The following GPR107 variants were observed in gnomAD, a reference collection of about 807,000 sequenced individuals.
GPR107 encodes the protein protein GPR107.
In GPR107, 31 loss-of-function variants were observed where a neutral mutation model predicts 75.5. The observed-to-expected ratio is 0.41, with a 90% CI of 0.31 to 0.55. The LOEUF (loss-of-function observed/expected upper bound fraction) is 0.55. Ranked by LOEUF, GPR107 falls within the 20% of genes least tolerant of loss-of-function variation. The pLI, the probability that GPR107 is intolerant of heterozygous loss-of-function variation, is 0.26. For missense variants in GPR107, 572 were observed against 665.7 expected, an observed-to-expected ratio of 0.86 and a Z score of 1.55; for synonymous variants, 267 against 251.3, an observed-to-expected ratio of 1.06 and a Z score of -0.59.
chr9:130,100,556 G>C lies in GPR107; in HGVS notation c.940-73G>C. 7 of 1,075,454 alleles carry C rather than the reference G, an allele frequency of 6.5e-6. No individual in the cohort carries two copies. The South Asian group carries it at 8.7e-5, about 13-fold the overall frequency. The allele number at this position is 1,075,454 out of a possible 1,614,324, so 66.6% of individuals were successfully genotyped here. A position where few individuals can be genotyped will look rare whatever the true frequency, so the allele number is the denominator to read the frequency against. On this transcript the variant is annotated intron_variant, in intron 10 of 17. Coordinates refer to ENST00000347136, the MANE Select transcript of GPR107 (RefSeq NM_020960.5). ...ATGATTTGGATAATTTCCCAAATGG[G>C]TCCAAGTTAAAAGATTCTTTGTGGA...
intron 14 of GPR107, among the ~76,000 whole-genome samples, chr9:130,108,655 C>T (rs1488196204): frequency 1.3e-5 from 2 of 152,208 alleles, no homozygotes; most frequent in African/African-American, 2.4e-5. Flanking sequence ...GGTCAGTGGT[C>T]AGAGGCCAGC....
At chr9:130,131,489 C>T (rs782462795) in intron 17 of GPR107, among the ~76,000 whole-genome samples, 14 of 152,156 alleles carry the variant, frequency 9.2e-5, no homozygotes, top group Non-Finnish European at 1.8e-4. Context: ...TGCGCTACCA[C>T]ACACCCTTAC....
rs998287650 is a variant in GPR107, at chr9:130,136,568, C to G, written c.*1447C>G. The G allele has an allele frequency of 5.9e-5, 9 of 152,148 alleles. No individual in the cohort carries two copies. The highest frequency in any genetic ancestry group is 2.9e-5 in the Non-Finnish European group (2 of 68,040). 9.4% of individuals were successfully genotyped at this position (152,148 alleles called of 1,614,324 possible). On this transcript the variant is annotated 3_prime_UTR_variant, in exon 18 of 18. Coordinates refer to ENST00000347136, the MANE Select transcript of GPR107 (RefSeq NM_020960.5). Reference sequence around the variant, plus strand: ...AGTCGTGGTCTCTGGGAGTTGTTTTCTCACCTCTGGCTTAGAAGGGTCAGG... The same window carrying G: ...AGTCGTGGTCTCTGGGAGTTGTTTTGTCACCTCTGGCTTAGAAGGGTCAGG...
At chr9:130,059,361 G>A (rs893541835) in intron 1 of GPR107, among the ~76,000 whole-genome samples, 11 of 152,096 alleles carry the variant, frequency 7.2e-5, no homozygotes, top group Non-Finnish European at 1.6e-4. Flanking sequence ...GGTGGCGGGC[G>A]CCTGCAATCC....
At chr9:130,111,539 C>T (rs1192439750) in intron 14 of GPR107, among the ~76,000 whole-genome samples, 1 of 152,048 alleles carries the variant, frequency 6.6e-6, no homozygotes, top group Non-Finnish European at 1.5e-5. Context: ...CTCAAAACAA[C>T]AACAACAACA....
rs115343368 is a variant in GPR107 at position 130,139,132 on chromosome 9, A to T, written c.*4011A>T. On this transcript the variant is annotated 3_prime_UTR_variant, in exon 18 of 18. Coordinates refer to ENST00000347136, the MANE Select transcript of GPR107 (RefSeq NM_020960.5). ...TGGCCTTGTAAGACTCACGTAAGCTAAGTCCAGGATGCCTGTGGCCTGCGG... is the reference window on the plus strand; with the variant it reads ...TGGCCTTGTAAGACTCACGTAAGCTTAGTCCAGGATGCCTGTGGCCTGCGG... 6.6e-6 allele frequency: 1 copy of T among 152,252 alleles called. No individual in the cohort carries two copies. Among genetic ancestry groups the T allele is most frequent in the Admixed American group, 6.5e-5 (1 of 15,272 alleles). 9.4% of individuals were successfully genotyped at this position (152,252 alleles called of 1,614,324 possible).
chr9:130,110,632 T>C (rs1307875462), intron 14 of GPR107, among the ~76,000 whole-genome samples: 1 of 152,252 alleles, frequency 6.6e-6, no homozygotes, highest in Non-Finnish European at 1.5e-5. Context: ...AAAGTGGTTA[T>C]GCTTGCGACA....
chr9:130,064,613 C>G (rs1046677169), intron 1 of GPR107, among the ~76,000 whole-genome samples: 11 of 152,154 alleles, frequency 7.2e-5, no homozygotes, highest in African/African-American at 2.7e-4. Flanking sequence ...GAGGATGGAT[C>G]TGTATGTGTT....
chr9:130,107,489 T>C lies in GPR107; in HGVS notation c.1263-7T>C. 1 of 1,560,622 alleles carries C rather than the reference T, an allele frequency of 6.4e-7. No individual in the cohort carries two copies. ...TAACTTTTTGTTCTCTAAATGTTTATTTTTAGGTCAATCAGACATTTACAA... is the reference window on the plus strand; with the variant it reads ...TAACTTTTTGTTCTCTAAATGTTTACTTTTAGGTCAATCAGACATTTACAA... On this transcript the variant is annotated splice_polypyrimidine_tract_variant and splice_region_variant and intron_variant, in intron 13 of 17. Coordinates refer to ENST00000347136, the MANE Select transcript of GPR107 (RefSeq NM_020960.5).
intron 1 of GPR107, among the ~76,000 whole-genome samples, chr9:130,062,158 T>C (rs1048094522): frequency 5.3e-5 from 8 of 152,170 alleles, no homozygotes; most frequent in African/African-American, 1.9e-4. Context: ...CTCACACCTG[T>C]AATCCCAGCA....
At chr9:130,118,689 G>C (rs932751332) in intron 14 of GPR107, among the ~76,000 whole-genome samples, 2 of 151,892 alleles carry the variant, frequency 1.3e-5, no homozygotes, top group Non-Finnish European at 2.9e-5. Context: ...CCCCTGCAGA[G>C]GTTTCAGCAT....
Position 130,054,153 on chromosome 9 carries a change from G to T in GPR107, c.141+80G>T, listed in dbSNP as rs1308064948. 17 of 1,334,228 alleles carry T rather than the reference G, an allele frequency of 1.3e-5. No homozygotes were observed. In the Admixed American group the frequency reaches 3.0e-4, roughly 24 times the overall value. The allele number at this position is 1,334,228 out of a possible 1,614,324, so 82.6% of individuals were successfully genotyped here. A position where few individuals can be genotyped will look rare whatever the true frequency, so the allele number is the denominator to read the frequency against. On this transcript the variant is annotated intron_variant, in intron 1 of 17. Transcript: ENST00000347136. ...TTTAGGGCAACTTTGGCCCATTGGG[G>T]ACCTCTGAGCCACTGGACCACCTCT... is the stretch of plus-strand genomic sequence containing the variant.
chr9:130,097,671 TA>T (rs1830908814), intron 9 of GPR107, among the ~76,000 whole-genome samples: 1 of 152,014 alleles, frequency 6.6e-6, no homozygotes, highest in Non-Finnish European at 1.5e-5. Flanking sequence ...TTTAGAGACT[TA>T]ACCATTTCCC....
At chr9:130,066,176 G>A (rs373455635) in intron 1 of GPR107, among the ~76,000 whole-genome samples, 1 of 151,764 alleles carries the variant, frequency 6.6e-6, no homozygotes, top group Non-Finnish European at 1.5e-5. Flanking sequence ...GTGTGCACCT[G>A]TAATCCCAGC....
chr9:130,062,435 A>AATGATAATAATAATG (rs1292731405), intron 1 of GPR107, among the ~76,000 whole-genome samples: 1 of 148,080 alleles, frequency 6.8e-6, no homozygotes, highest in Non-Finnish European at 1.5e-5. Flanking sequence ...TAATAATAAT[A>AATGATAATAATAATG]ATAATAATAA....
chr9:130,116,243 C>T (rs867206856), intron 14 of GPR107, among the ~76,000 whole-genome samples: 13 of 152,138 alleles, frequency 8.5e-5, no homozygotes, highest in Admixed American at 1.3e-4. Flanking sequence ...GTTAGTGGTC[C>T]GTGGTGGCAG....
chr9:130,136,321 A>G lies in GPR107; in HGVS notation c.*1200A>G, dbSNP rs782625725. 2 of 152,246 alleles carry G rather than the reference A, an allele frequency of 1.3e-5. No individual in the cohort carries two copies. The highest frequency in any genetic ancestry group is 2.9e-5 in the Non-Finnish European group (2 of 68,036). 9.4% of individuals were successfully genotyped at this position (152,246 alleles called of 1,614,324 possible). On this transcript the variant is annotated 3_prime_UTR_variant, in exon 18 of 18. Coordinates refer to ENST00000347136, the MANE Select transcript of GPR107 (RefSeq NM_020960.5). ...CAGGTAGCCACCTAAATTGAGCAGT[A>G]TTGCAACTCAGAGAGAAAATCATCT...
intron 4 of GPR107, among the ~76,000 whole-genome samples, chr9:130,078,164 CAAAA>C (rs201310482): frequency 1.0e-5 from 1 of 98,682 alleles, no homozygotes; most frequent in Non-Finnish European, 2.2e-5. Flanking sequence ...GACTCCGTCT[CAAAA>C]AAAAAAAAAA....
intron 4 of GPR107, 44 bp from the exon 5 acceptor site, chr9:130,079,586 A>C: frequency 6.3e-7 from 1 of 1,591,588 alleles, no homozygotes; most frequent in Non-Finnish European, 8.6e-7. Flanking sequence ...AGTGGCCAGG[A>C]GCACTGCTTT....
Sources: gnomAD v4.1 joint callset for allele counts (sites outside exome capture counted in the v4.1 genomes callset) on GRCh38, gnomAD v4.1.1 for gene constraint, MANE v1.5 for transcripts, NCBI Gene and HGNC (gene_info 2026-07-23, HGNC 2026-07-21) for gene names.